The following FHOD3 variants were observed in gnomAD, a reference collection of about 807,000 sequenced individuals.
FHOD3 encodes the protein formin homology 2 domain containing 3.
A neutral mutation model predicts 173.0 loss-of-function variants in FHOD3; 90 were observed. The observed-to-expected ratio is 0.52, with a 90% confidence interval of 0.44 to 0.62. The LOEUF (loss-of-function observed/expected upper bound fraction) is 0.62. FHOD3 is among the 20% of genes least tolerant of loss of function. The pLI is 0.00. For synonymous variants in FHOD3, 828 were observed against 823.0 expected (o/e 1.01, Z -0.10); for missense variants, 1,945 against 2,034.7 (o/e 0.96, Z 0.85).
At chr18:36,505,476 A>G (rs2055257255) in intron 4 of FHOD3, among the ~76,000 whole-genome samples, 1 of 152,236 alleles carries the variant, frequency 6.6e-6, no homozygotes, top group African/African-American at 2.4e-5. Context: ...TCAATTGTGT[A>G]TAGAGTGGAT....
rs200419883 is a variant in FHOD3 at position 36,737,836 on chromosome 18, AT to A, written c.3577-2813del. On this transcript the variant is annotated intron_variant, in intron 20 of 28. Transcript: ENST00000590592. ...AGCCCTGTTTCTCATTTTGTTATTT[AT>A]TTTTTTAGCTTTTGAACTAATATAG... Among the ~76,000 whole-genome samples, 1,377 of 152,202 alleles carry A rather than the reference AT, an allele frequency of 9.0e-3. 18 individuals carry two copies. The highest frequency in any genetic ancestry group is 0.031 in the African/African-American group (1,277 of 41,528).
chr18:36,596,741 G>A (rs2148397365), intron 7 of FHOD3, among the ~76,000 whole-genome samples: 1 of 152,196 alleles, frequency 6.6e-6, no homozygotes, highest in South Asian at 2.1e-4. Flanking sequence ...CATGGACGGG[G>A]GCTGTGAGTC....
intron 3 of FHOD3, among the ~76,000 whole-genome samples, chr18:36,482,858 C>CACACACACAGAGAGAGAGAGAG (rs1400178557): frequency 7.7e-6 from 1 of 130,374 alleles, no homozygotes; most frequent in African/African-American, 3.1e-5. Flanking sequence ...CACACACACA[C>CACACACACAGAGAGAGAGAGAG]AGAGAGAGAG....
intron 1 of FHOD3, among the ~76,000 whole-genome samples, chr18:36,308,507 C>T (rs1057441693): frequency 6.6e-6 from 1 of 152,170 alleles, no homozygotes; most frequent in African/African-American, 2.4e-5. Context: ...ATTGTTAAAA[C>T]CGTGAATAAA....
intron 10 of FHOD3, among the ~76,000 whole-genome samples, chr18:36,632,289 AT>A (rs992555976): frequency 4.6e-5 from 7 of 152,266 alleles, no homozygotes; most frequent in Admixed American, 1.3e-4. Context: ...TGTAATTTGC[AT>A]TTTTTTATTA....
intron 20 of FHOD3, among the ~76,000 whole-genome samples, chr18:36,733,021 C>T (rs2041449038): frequency 6.6e-6 from 1 of 152,132 alleles, no homozygotes; most frequent in Non-Finnish European, 1.5e-5. Flanking sequence ...TGAGTAAATA[C>T]CACTAGAGGG....
At chr18:36,366,705 T>C (rs1186884261) in intron 2 of FHOD3, among the ~76,000 whole-genome samples, 1 of 152,214 alleles carries the variant, frequency 6.6e-6, no homozygotes, top group Admixed American at 6.5e-5. Context: ...GCTAGCACTG[T>C]CCTTTTACTA....
At chr18:36,660,562 G>T (rs541079012) in intron 14 of FHOD3, among the ~76,000 whole-genome samples, 7 of 152,236 alleles carry the variant, frequency 4.6e-5, no homozygotes, top group Non-Finnish European at 8.8e-5. Context: ...GTTGGCTGCC[G>T]CCTGGAGGGT....
At chr18:36,453,971 T>C (rs1432080404) in intron 3 of FHOD3, among the ~76,000 whole-genome samples, 1 of 152,212 alleles carries the variant, frequency 6.6e-6, no homozygotes, top group Admixed American at 6.5e-5. Context: ...CTGTTCTTGT[T>C]CTGTTCTTTA....
intron 4 of FHOD3, among the ~76,000 whole-genome samples, chr18:36,509,615 C>T (rs1220726942): frequency 1.3e-5 from 2 of 152,004 alleles, no homozygotes; most frequent in African/African-American, 2.4e-5. Context: ...GTATGGGACT[C>T]GCTTCAGATT....
At chr18:36,380,153 G>A (rs1038314858) in intron 3 of FHOD3, among the ~76,000 whole-genome samples, 1 of 152,186 alleles carries the variant, frequency 6.6e-6, no homozygotes, top group African/African-American at 2.4e-5. Context: ...GAAAGGCATT[G>A]GAGAATTGTT....
intron 3 of FHOD3, among the ~76,000 whole-genome samples, chr18:36,388,983 TGG>T: frequency 6.6e-6 from 1 of 151,988 alleles, no homozygotes; most frequent in African/African-American, 2.4e-5. Flanking sequence ...GTGAGCAGGA[TGG>T]GGGGGCCCTG....
chr18:36,743,901 T>C (rs2042026943), intron 22 of FHOD3, 131 bp from the exon 23 acceptor site: 2 of 978,758 alleles, frequency 2.0e-6, no homozygotes, highest in Non-Finnish European at 1.6e-6. Flanking sequence ...ATGGAGCATG[T>C]GGCCCCAGGA....
chr18:36,347,159 A>G (rs1185460472), intron 1 of FHOD3, among the ~76,000 whole-genome samples: 1 of 152,238 alleles, frequency 6.6e-6, no homozygotes, highest in Non-Finnish European at 1.5e-5. Flanking sequence ...ATCCTGAAAC[A>G]TAGTGTTGAT....
rs397972388 is a variant in FHOD3, at chr18:36,482,457, C to CT, written c.338-19475_338-19474insT. Among the ~76,000 whole-genome samples, 5 of 152,048 alleles carry CT rather than the reference C, an allele frequency of 3.3e-5. No individual in the cohort carries two copies. The East Asian group carries it at 5.8e-4, about 18-fold the overall frequency. On this transcript the variant is annotated intron_variant, in intron 3 of 28. Transcript: ENST00000590592. ...CAGGGTGACCACTGCGTGACCCCCC[C>CT]GCCCCGCAAGGCATGATTGCTTAGG... is the stretch of plus-strand genomic sequence containing the variant.
chr18:36,499,304 A>G (rs1380331390), intron 3 of FHOD3, among the ~76,000 whole-genome samples: 1 of 152,080 alleles, frequency 6.6e-6, no homozygotes, highest in African/African-American at 2.4e-5. Flanking sequence ...GGCTTTCACC[A>G]TGTTGACCAG....
chr18:36,709,022 C>T, intron 17 of FHOD3, 73 bp from the exon 18 acceptor site: 1 of 1,535,464 alleles, frequency 6.5e-7, no homozygotes, highest in South Asian at 1.2e-5. Context: ...ATCAACCTCA[C>T]ATTCATTCTC....
At chr18:36,566,324 AAAATC>A (rs1416532589) in intron 5 of FHOD3, among the ~76,000 whole-genome samples, 1 of 152,244 alleles carries the variant, frequency 6.6e-6, no homozygotes, top group Admixed American at 6.5e-5. Context: ...ACATTTTTAA[AAAATC>A]AAGTCTAGCT....
intron 17 of FHOD3, among the ~76,000 whole-genome samples, chr18:36,699,487 G>A (rs2039463511): frequency 1.3e-5 from 2 of 152,202 alleles, no homozygotes; most frequent in Admixed American, 1.3e-4. Context: ...CACATGTCAG[G>A]ACAATGAGGG....
Sources: gnomAD v4.1 joint callset for allele counts (sites outside exome capture counted in the v4.1 genomes callset) on GRCh38, gnomAD v4.1.1 for gene constraint, MANE v1.5 for transcripts, NCBI Gene and HGNC (gene_info 2026-07-23, HGNC 2026-07-21) for gene names.